CRIM1: variants seen among roughly 807,000 people sequenced by gnomAD.
CRIM1 encodes cysteine rich transmembrane BMP regulator 1, also known as cysteine-rich motor neuron 1 protein.
In CRIM1, 32 loss-of-function variants were observed where a neutral mutation model predicts 116.4. The observed-to-expected ratio is 0.27, with a 90% CI of 0.21 to 0.37. The LOEUF is 0.37. Among genes scored for constraint, CRIM1 ranks in the 10% least tolerant of loss-of-function variants. The pLI is 1.00. For missense variants in CRIM1, 1,331 were observed against 1,354.8 expected (o/e 0.98, Z 0.28); for synonymous variants, 590 against 509.2 (o/e 1.16, Z -2.13).
At chr2:36,378,380 T>C (rs1288388440) in intron 1 of CRIM1, 1 of 471,156 alleles carries the variant, frequency 2.1e-6, no homozygotes, top group Admixed American at 2.3e-5. Flanking sequence ...AATTTGAGGC[T>C]GCTCTCAGCA....
At chr2:36,364,853 A>G (rs1432467644) in intron 1 of CRIM1, among the ~76,000 whole-genome samples, 5 of 152,026 alleles carry the variant, frequency 3.3e-5, no homozygotes, top group Admixed American at 1.3e-4. Flanking sequence ...TGTGTATAGT[A>G]TGTATGTGTA....
At chr2:36,486,263 TAAAC>T (rs995343950) in intron 7 of CRIM1, among the ~76,000 whole-genome samples, 6 of 152,224 alleles carry the variant, frequency 3.9e-5, no homozygotes, top group African/African-American at 1.4e-4. Flanking sequence ...CATTAATAGT[TAAAC>T]AAGTGTAGAA....
rs115800415 is a variant in CRIM1 at position 36,372,704 on chromosome 2, A to G, written c.331+16081A>G. Among the ~76,000 whole-genome samples, 618 of 152,306 alleles carry G rather than the reference A, an allele frequency of 4.1e-3. 9 individuals are homozygous for G. The highest frequency in any genetic ancestry group is 0.014 in the African/African-American group (598 of 41,562). ...ATGGCCCTTCAGCTTTCCCAAGTTT[A>G]CGATGCTCATCTCATACCTGATGGA... On this transcript the variant is annotated intron_variant, in intron 1 of 16. Transcript: ENST00000280527.
At chr2:36,370,906 C>A (rs927160291) in intron 1 of CRIM1, among the ~76,000 whole-genome samples, 3 of 152,094 alleles carry the variant, frequency 2.0e-5, no homozygotes, top group African/African-American at 7.2e-5. Flanking sequence ...TACTAAAAGC[C>A]CACAGGTAAG....
intron 14 of CRIM1, among the ~76,000 whole-genome samples, chr2:36,538,297 A>G (rs1666697916): frequency 6.6e-6 from 1 of 152,078 alleles, no homozygotes; most frequent in African/African-American, 2.4e-5. Context: ...GTCTAATCCC[A>G]GAAATGTAAG....
chr2:36,454,688 A>T (rs1677004524), intron 4 of CRIM1, among the ~76,000 whole-genome samples: 1 of 152,186 alleles, frequency 6.6e-6, no homozygotes. Context: ...ACTGATATTT[A>T]AAAACTGGCA....
chr2:36,478,120 G>C (rs968315599), intron 6 of CRIM1, among the ~76,000 whole-genome samples: 1 of 152,106 alleles, frequency 6.6e-6, no homozygotes, highest in Non-Finnish European at 1.5e-5. Context: ...TGATATTTGA[G>C]CAATATTTAC....
At chr2:36,375,131 C>CATAT (rs1670229103) in intron 1 of CRIM1, among the ~76,000 whole-genome samples, 3 of 151,644 alleles carry the variant, frequency 2.0e-5, no homozygotes, top group Non-Finnish European at 4.4e-5. Context: ...TTGCATATGC[C>CATAT]GTATGCTTTG....
intron 1 of CRIM1, among the ~76,000 whole-genome samples, chr2:36,380,637 A>C (rs1670674108): frequency 6.6e-6 from 1 of 152,216 alleles, no homozygotes; most frequent in Non-Finnish European, 1.5e-5. Context: ...AAAGCAAAGA[A>C]ATCCAGTATT....
At chr2:36,488,308 G>T (rs986847209) in intron 7 of CRIM1, among the ~76,000 whole-genome samples, 13 of 152,184 alleles carry the variant, frequency 8.5e-5, no homozygotes, top group African/African-American at 2.9e-4. Flanking sequence ...CGCCTCTTGC[G>T]CATGTGTGGG....
intron 2 of CRIM1, among the ~76,000 whole-genome samples, chr2:36,415,114 G>C (rs1218063888): frequency 6.6e-6 from 1 of 152,144 alleles, no homozygotes; most frequent in Admixed American, 6.5e-5. Context: ...TGGAAATACA[G>C]TTAAAAGGGC....
intron 2 of CRIM1, among the ~76,000 whole-genome samples, chr2:36,407,945 C>T (rs1348160744): frequency 6.6e-6 from 1 of 151,994 alleles, no homozygotes; most frequent in Non-Finnish European, 1.5e-5. Context: ...TTTGCTTTAA[C>T]TCTTAACTCT....
chr2:36,443,251 T>A (rs1675997877), intron 4 of CRIM1, among the ~76,000 whole-genome samples: 2 of 152,190 alleles, frequency 1.3e-5, no homozygotes, highest in East Asian at 3.9e-4. Flanking sequence ...TTGGCTTGAC[T>A]GCGGGGAAGA....
intron 5 of CRIM1, among the ~76,000 whole-genome samples, chr2:36,471,280 T>C (rs529050644): frequency 6.6e-6 from 1 of 152,296 alleles, no homozygotes; most frequent in Admixed American, 6.5e-5. Context: ...TTTTAGAGGA[T>C]TGACTCCAGT....
chr2:36,422,442 T>C (rs910559680), intron 2 of CRIM1, among the ~76,000 whole-genome samples: 23 of 152,174 alleles, frequency 1.5e-4, no homozygotes, highest in African/African-American at 5.5e-4. Context: ...CCATTTGAAA[T>C]CCTGAATATC....
At chr2:36,418,803 G>A (rs1030259621) in intron 2 of CRIM1, among the ~76,000 whole-genome samples, 2 of 152,194 alleles carry the variant, frequency 1.3e-5, no homozygotes, top group Non-Finnish European at 2.9e-5. Context: ...CTGGGTCTCT[G>A]TCCTGAGGTC....
chr2:36,471,884 G>C (rs1678553790), intron 5 of CRIM1, among the ~76,000 whole-genome samples: 1 of 152,166 alleles, frequency 6.6e-6, no homozygotes, highest in Non-Finnish European at 1.5e-5. Context: ...AAATGCACTG[G>C]GAAGCCAAAA....
chr2:36,453,531 T>A (rs1676894520), intron 4 of CRIM1, among the ~76,000 whole-genome samples: 2 of 152,186 alleles, frequency 1.3e-5, no homozygotes, highest in Non-Finnish European at 2.9e-5. Context: ...TTTAACTAAA[T>A]TAGATAGACA....
intron 13 of CRIM1, among the ~76,000 whole-genome samples, chr2:36,532,670 A>C (rs1666196442): frequency 6.6e-6 from 1 of 152,224 alleles, no homozygotes; most frequent in Admixed American, 6.5e-5. Flanking sequence ...GGCACACAAC[A>C]GACAGAGGTG....
Sources: allele counts gnomAD v4.1 joint callset (sites outside exome capture counted in the v4.1 genomes callset), GRCh38; gene constraint gnomAD v4.1.1; transcripts MANE v1.5; gene names NCBI Gene and HGNC (gene_info 2026-07-23, HGNC 2026-07-21).